The following VSIG10L2 variants were observed in gnomAD, a reference collection of about 807,000 sequenced individuals.
The protein encoded by VSIG10L2 is V-set and immunoglobulin domain-containing protein 10-like 2.
Under a neutral mutation model 67.1 loss-of-function variants are expected in VSIG10L2, and 56 were observed. That is an observed-to-expected ratio of 0.83 (90% confidence interval 0.67 to 1.04). The LOEUF is 1.04. VSIG10L2 is among the 50% of genes least tolerant of loss of function. VSIG10L2 has a pLI of 0.00. For missense variants in VSIG10L2, 843 were observed against 932.8 expected, an observed-to-expected ratio of 0.90 and a Z score of 1.25; for synonymous variants, 360 against 396.6, an observed-to-expected ratio of 0.91 and a Z score of 1.10.
intron 3 of VSIG10L2, among the ~76,000 whole-genome samples, chr11:125,949,479 C>T (rs760934289): frequency 5.3e-5 from 8 of 152,208 alleles, no homozygotes; most frequent in East Asian, 1.9e-4. Flanking sequence ...AGAGTTCTTG[C>T]GAAAGAGGCA....
intron 3 of VSIG10L2, among the ~76,000 whole-genome samples, chr11:125,949,463 A>AGCAGGAGAGTTCTTGCGAAAGAG (rs1945336853): frequency 6.6e-6 from 1 of 152,164 alleles, no homozygotes; most frequent in Non-Finnish European, 1.5e-5. Flanking sequence ...GAGGCAGGTG[A>AGCAGGAGAGTTCTTGCGAAAGAG]GCAGGAGAGT....
rs903814733 is a variant in VSIG10L2, at chr11:125,956,148, G to A, written c.*234G>A. The A allele has an allele frequency of 4.6e-6, 3 of 656,124 alleles. No individual in the cohort carries two copies. In the African/African-American group the frequency reaches 5.3e-5, roughly 12 times the overall value. The allele number at this position is 656,124 out of a possible 1,614,324, so 40.6% of individuals were successfully genotyped here. Reference sequence around the variant, plus strand: ...AAGACAGAGGTGGCAGGACAAGGAAGAGGACCCACAATGGGGAGACAGGGA... The same window carrying A: ...AAGACAGAGGTGGCAGGACAAGGAAAAGGACCCACAATGGGGAGACAGGGA... On this transcript the variant is annotated 3_prime_UTR_variant, in exon 12 of 12. Transcript: ENST00000686984.
At chr11:125,949,904 C>T in intron 3 of VSIG10L2, 110 bp from the exon 4 acceptor site, 11 of 1,110,450 alleles carry the variant, frequency 9.9e-6, no homozygotes, top group Non-Finnish European at 1.3e-5. Context: ...TGGACACGGG[C>T]CAGTGCATAC....
At chr11:125,948,949 G>A (rs1463594420) in intron 3 of VSIG10L2, among the ~76,000 whole-genome samples, 1 of 152,230 alleles carries the variant, frequency 6.6e-6, no homozygotes, top group Non-Finnish European at 1.5e-5. Context: ...TGGGAGGAGA[G>A]GGCAGCAAGC....
rs535050781 is a variant in VSIG10L2 at position 125,948,727 on chromosome 11, G to A, written c.709+147G>A. 534 of 887,882 alleles carry A rather than the reference G, an allele frequency of 6.0e-4. 3 individuals carry two copies. The highest frequency in any genetic ancestry group is 3.8e-4 in the Non-Finnish European group (259 of 674,528). The allele number at this position is 887,882 out of a possible 1,614,324, so 55.0% of individuals were successfully genotyped here. On this transcript the variant is annotated intron_variant, in intron 3 of 11. Coordinates refer to ENST00000686984, the MANE Select transcript of VSIG10L2 (RefSeq NM_001365077.2). ...AGTCTCCAGCAGGCAAGAGTCACGGGGTGCCGTGCCCCTGCTGCCCACTGC... is the reference window on the plus strand; with the variant it reads ...AGTCTCCAGCAGGCAAGAGTCACGGAGTGCCGTGCCCCTGCTGCCCACTGC...
chr11:125,946,065 C>T lies in VSIG10L2; in HGVS notation c.10C>T (p.Gln4Ter), dbSNP rs1423374333. Residue 4 changes from glutamine to a stop codon, truncating the protein, a stop_gained, in exon 1 of 12, where the codon CAG becomes TAG. Coordinates refer to ENST00000686984, the MANE Select transcript of VSIG10L2 (RefSeq NM_001365077.2). LOFTEE classifies it high-confidence loss of function. The surrounding 1 kb of genome is among the most constrained non-coding windows in gnomAD (Gnocchi z 4.4). MVG[Q>*]RAQHSPVSLL... ...TCAGGGAGATGGGGCCATGGTGGGT[C>T]AGAGGGCCCAGCACAGCCCAGTCAG... 1 of 399,130 alleles carries T rather than the reference C, an allele frequency of 2.5e-6. No individual in the cohort carries two copies. The highest frequency in any genetic ancestry group is 4.4e-6 in the Non-Finnish European group (1 of 226,342). 24.7% of individuals were successfully genotyped at this position (399,130 alleles called of 1,614,324 possible). A position where few individuals can be genotyped will look rare whatever the true frequency, so the allele number is the denominator to read the frequency against.
intron 3 of VSIG10L2, among the ~76,000 whole-genome samples, chr11:125,949,495 A>C (rs1450660171): frequency 6.6e-6 from 1 of 152,222 alleles, no homozygotes; most frequent in Non-Finnish European, 1.5e-5. Flanking sequence ...AGGCAGGAGC[A>C]GACTGGAAGT....
At position 125,951,106 on chromosome 11, in the gene VSIG10L2, C is replaced by A. The variant is rs929093373; in HGVS notation, c.1182C>A (p.Cys394Ter). The change falls in exon 5 of 12, where the codon TGC becomes TGA. Residue 394 changes from cysteine (C) to a stop codon, truncating the protein, a stop_gained. Coordinates refer to ENST00000686984, the MANE Select transcript of VSIG10L2 (RefSeq NM_001365077.2). LOFTEE classifies it high-confidence loss of function. The part of the protein sequence containing the change: ...AQLPSGSVFT[C>*]TGQHPALAPP... ...TCCCCAGTGGCAGCGTCTTCACCTGCACTGGCCAGCACCCAGCCCTGGCAC... is the reference window on the plus strand; with the variant it reads ...TCCCCAGTGGCAGCGTCTTCACCTGAACTGGCCAGCACCCAGCCCTGGCAC... 5.7e-6 allele frequency: 7 copies of A among 1,232,796 alleles called. No homozygotes were observed. The African/African-American group carries it at 7.8e-5, about 14-fold the overall frequency. The allele number at this position is 1,232,796 out of a possible 1,614,324, so 76.4% of individuals were successfully genotyped here.
At chr11:125,952,490 T>C (rs748835240) in intron 6 of VSIG10L2, among the ~76,000 whole-genome samples, 1 of 152,260 alleles carries the variant, frequency 6.6e-6, no homozygotes, top group African/African-American at 2.4e-5. Flanking sequence ...ATACAATTAC[T>C]GCACATCTCA....
chr11:125,954,462 T>TC, intron 8 of VSIG10L2, 79 bp downstream of exon 8: 1 of 1,141,720 alleles, frequency 8.8e-7, no homozygotes, highest in East Asian at 3.2e-5. Context: ...TCACAGGGCA[T>TC]CCCCTCCTCT....
At chr11:125,951,562 T>C (rs1945370626) in intron 5 of VSIG10L2, among the ~76,000 whole-genome samples, 1 of 152,246 alleles carries the variant, frequency 6.6e-6, no homozygotes. Flanking sequence ...TCCTGTCCTC[T>C]TTCCGGAAGC....
chr11:125,955,075 C>T lies in VSIG10L2; in HGVS notation c.2102C>T (p.Ala701Val). 1 of 1,235,598 alleles carries T rather than the reference C, an allele frequency of 8.1e-7. No individual in the cohort carries two copies. The highest frequency in any genetic ancestry group is 4.1e-5 in the Admixed American group (1 of 24,178). The allele number at this position is 1,235,598 out of a possible 1,614,324, so 76.5% of individuals were successfully genotyped here. Residue 701 changes from alanine (A) to valine (V), a missense_variant, in exon 9 of 12, where the codon GCC becomes GTC. By Grantham distance (64) the Ala-to-Val change is moderately conservative. This residue lies in a region of VSIG10L2 where 397 missense variants were observed against 384.4 expected (regional missense o/e 1.03). Coordinates refer to ENST00000686984, the MANE Select transcript of VSIG10L2 (RefSeq NM_001365077.2). Reference sequence around the variant, plus strand: ...CTCCTAGCGGACCCCCCCTTCAGCGCCTACCCAGCGGTGTTGGGTGCAGCA... The same window carrying T: ...CTCCTAGCGGACCCCCCCTTCAGCGTCTACCCAGCGGTGTTGGGTGCAGCA... ...VKIPADPPFS[A>V]YPAVLGAAGT...
At position 125,947,958 on chromosome 11, in the gene VSIG10L2, C is replaced by T. The variant is rs1265137603; in HGVS notation, c.355C>T (p.His119Tyr). The change falls in exon 2 of 12, where the codon CAC becomes TAC. Residue 119 changes from histidine to tyrosine, a missense_variant. This residue lies in a region of VSIG10L2 where 446 missense variants were observed against 548.4 expected (regional missense o/e 0.81). Transcript: ENST00000686984. ...LGELHEGARG[H>Y]FLCQVLHVAG... is the part of the protein sequence containing the mutation. ...GGAGCTTCACGAGGGTGCCCGTGGC[C>T]ACTTCCTATGCCAGGTTCTGCACGT... is the stretch of plus-strand genomic sequence containing the variant. 8.1e-7 allele frequency: 1 copy of T among 1,232,308 alleles called. No individual in the cohort carries two copies. The highest frequency in any genetic ancestry group is 1.0e-6 in the Non-Finnish European group (1 of 988,082). The allele number at this position is 1,232,308 out of a possible 1,614,324, so 76.3% of individuals were successfully genotyped here.
At chr11:125,953,800 A>T (rs1457715433) in intron 7 of VSIG10L2, 110 bp downstream of exon 7, 1 of 1,084,870 alleles carries the variant, frequency 9.2e-7, no homozygotes, top group Non-Finnish European at 1.2e-6. Context: ...CAAAATTTGG[A>T]CGCTTGAGCT....
Position 125,951,104 on chromosome 11 carries a change from T to G in VSIG10L2, c.1180T>G (p.Cys394Gly). 3 of 1,232,984 alleles carry G rather than the reference T, an allele frequency of 2.4e-6. No individual in the cohort carries two copies. Among genetic ancestry groups the G allele is most frequent in the South Asian group, 4.1e-5 (1 of 24,336 alleles). 76.4% of individuals were successfully genotyped at this position (1,232,984 alleles called of 1,614,324 possible). The change falls in exon 5 of 12, where the codon TGC (cysteine) becomes GGC (glycine). Residue 394 changes from cysteine (C) to glycine (G), a missense_variant. Physicochemically the swap from Cys to Gly is radical, Grantham distance 159. Around this residue, in one of 2 missense-constraint regions of VSIG10L2, gnomAD observed 446 missense variants for 548.4 expected, o/e 0.81. Transcript: ENST00000686984. The stretch of plus-strand genomic sequence containing the variant: ...GCTCCCCAGTGGCAGCGTCTTCACC[T>G]GCACTGGCCAGCACCCAGCCCTGGC... ...AQLPSGSVFT[C>G]TGQHPALAPP...
In VSIG10L2 at chr11:125,950,893, C is replaced by T. The variant is rs988943296; in HGVS notation, c.986-17C>T. 12 of 1,232,732 alleles carry T rather than the reference C, an allele frequency of 9.7e-6. No individual in the cohort carries two copies. The highest frequency in any genetic ancestry group is 1.2e-5 in the Non-Finnish European group (12 of 988,434). 76.4% of individuals were successfully genotyped at this position (1,232,732 alleles called of 1,614,324 possible). On this transcript the variant is annotated splice_polypyrimidine_tract_variant and intron_variant, in intron 4 of 11. Transcript: ENST00000686984. The stretch of plus-strand genomic sequence containing the variant: ...GGCAGTGGAGCCTGCTCCAGCCTCA[C>T]CCACTTCCCCATCCAGATCCCCCTG...
rs1412964439 is a variant in VSIG10L2, at chr11:125,946,415, T to G, written c.82+278T>G. On this transcript the variant is annotated intron_variant, in intron 1 of 11. Transcript: ENST00000686984. The surrounding 1 kb of genome is among the most constrained non-coding windows in gnomAD (Gnocchi z 4.4). Reference sequence around the variant, plus strand: ...CAGATCCAGGTTTCAGAAAGCTCCCTGGTTTTGAGGGGGATTAGGGCAATC... The same window carrying G: ...CAGATCCAGGTTTCAGAAAGCTCCCGGGTTTTGAGGGGGATTAGGGCAATC... 3.3e-5 allele frequency among the ~76,000 whole-genome samples: 5 copies of G among 152,306 alleles called. No individual in the cohort carries two copies. Among genetic ancestry groups the G allele is most frequent in the African/African-American group, 9.6e-5 (4 of 41,572 alleles).
chr11:125,947,066 G>A (rs1945309782), intron 1 of VSIG10L2, among the ~76,000 whole-genome samples: 2 of 152,254 alleles, frequency 1.3e-5, no homozygotes, highest in South Asian at 4.1e-4. Context: ...GGGGTGGGGG[G>A]CTCATTTGTC....
At position 125,953,596 on chromosome 11, in the gene VSIG10L2, C is replaced by T. The variant is rs11220284; in HGVS notation, c.1692C>T (p.Tyr564=). 1.5e-3 allele frequency: 1,909 copies of T among 1,232,156 alleles called. 19 individuals carry two copies. In the African/African-American group the frequency reaches 0.021, roughly 14 times the overall value. The allele number at this position is 1,232,156 out of a possible 1,614,324, so 76.3% of individuals were successfully genotyped here. A position where few individuals can be genotyped will look rare whatever the true frequency, so the allele number is the denominator to read the frequency against. Residue 564 remains tyrosine, a synonymous_variant, in exon 7 of 12, where the codon TAC becomes TAT. Transcript: ENST00000686984. The part of the protein sequence containing the change: ...PEGAQLRLGI[Y]DADPAHHRGT... The stretch of plus-strand genomic sequence containing the variant: ...GTGCCCAGCTGCGCCTGGGCATCTA[C>T]GATGCTGACCCGGCACACCACAGGG...
Sources: gnomAD v4.1 joint callset for allele counts (sites outside exome capture counted in the v4.1 genomes callset) on GRCh38, gnomAD v4.1.1 for gene constraint, gnomAD v4.1.1 regional missense constraint, Gnocchi (gnomAD v3.1) non-coding constraint, MANE v1.5 for transcripts, NCBI Gene and HGNC (gene_info 2026-07-23, HGNC 2026-07-21) for gene names.